The following PDE4D variants were observed in gnomAD, a reference collection of about 807,000 sequenced individuals.
PDE4D encodes 3',5'-cyclic-AMP phosphodiesterase 4D.
PDE4D carries 24 observed loss-of-function variants against 87.4 expected under a neutral mutation model. That is an observed-to-expected ratio of 0.27 (90% confidence interval 0.20 to 0.39). The LOEUF (loss-of-function observed/expected upper bound fraction) is 0.39. PDE4D is among the 10% of genes least tolerant of loss of function. The pLI is 1.00. For synonymous variants in PDE4D, 384 were observed against 383.2 expected, an observed-to-expected ratio of 1.00 and a Z score of -0.02; for missense variants, 714 against 1,041.0, an observed-to-expected ratio of 0.69 and a Z score of 4.32.
At chr5:60,155,500 T>C (rs1245199250) in intron 2 of PDE4D, among the ~76,000 whole-genome samples, 4 of 152,204 alleles carry the variant, frequency 2.6e-5, no homozygotes. Flanking sequence ...TCTGGAGTTT[T>C]TGTATTCTTC....
At chr5:59,303,510 T>G (rs1431655042) in intron 1 of PDE4D, among the ~76,000 whole-genome samples, 2 of 152,212 alleles carry the variant, frequency 1.3e-5, no homozygotes, top group African/African-American at 2.4e-5. Flanking sequence ...CTTCTAAAAT[T>G]TCATAGTTTC....
chr5:60,400,942 T>G (rs1382961336), intron 1 of PDE4D, among the ~76,000 whole-genome samples: 6 of 152,142 alleles, frequency 3.9e-5, no homozygotes, highest in African/African-American at 9.7e-5. Flanking sequence ...ATTTCTTCAT[T>G]TAATTCTGCA....
intron 1 of PDE4D, among the ~76,000 whole-genome samples, chr5:59,502,643 ATTTC>A (rs1808494879): frequency 7.3e-6 from 1 of 136,886 alleles, no homozygotes. Context: ...CACTCAGATA[ATTTC>A]TTTATTCCTT....
chr5:59,011,098 A>C (rs930428578), intron 6 of PDE4D, among the ~76,000 whole-genome samples: 4 of 152,160 alleles, frequency 2.6e-5, no homozygotes, highest in Admixed American at 6.6e-5. Flanking sequence ...TAGAAGGAAA[A>C]CTAACAAACA....
chr5:59,740,705 G>C (rs1440195118), intron 1 of PDE4D, among the ~76,000 whole-genome samples: 1 of 152,114 alleles, frequency 6.6e-6, no homozygotes, highest in African/African-American at 2.4e-5. Flanking sequence ...GAATTATTCA[G>C]GTAAAGAGGG....
chr5:59,624,961 T>C (rs1164403981), intron 1 of PDE4D, among the ~76,000 whole-genome samples: 1 of 152,222 alleles, frequency 6.6e-6, no homozygotes, highest in Non-Finnish European at 1.5e-5. Flanking sequence ...GAATTCCACA[T>C]CTTGGCTAAT....
intron 1 of PDE4D, among the ~76,000 whole-genome samples, chr5:59,255,959 T>C (rs1246717420): frequency 2.0e-5 from 3 of 152,126 alleles, no homozygotes; most frequent in Non-Finnish European, 2.9e-5. Flanking sequence ...CATATACCGA[T>C]TGACATTTAG....
At chr5:59,613,806 A>G (rs1045619246) in intron 1 of PDE4D, among the ~76,000 whole-genome samples, 2 of 152,190 alleles carry the variant, frequency 1.3e-5, no homozygotes, top group African/African-American at 4.8e-5. Flanking sequence ...AATTTATAAG[A>G]GAGAAACAAG....
At position 60,269,025 on chromosome 5, in the gene PDE4D, C is replaced by A. The variant is rs182533586; in HGVS notation, c.-89-83338G>T. Among the ~76,000 whole-genome samples, 376 of 152,242 alleles carry A rather than the reference C, an allele frequency of 2.5e-3. 1 individual carries two copies. Among genetic ancestry groups the A allele is most frequent in the Non-Finnish European group, 4.0e-3 (270 of 68,020 alleles). ...CATATATACATAAATATTTCTTGGC[C>A]GGGCGCGGTGGCTCACACCTGTAAT... On this transcript the variant is annotated intron_variant, in intron 1 of 16. Coordinates refer to the PDE4D transcript ENST00000502484.
At chr5:59,348,275 T>G (rs1779923869) in intron 1 of PDE4D, among the ~76,000 whole-genome samples, 1 of 152,192 alleles carries the variant, frequency 6.6e-6, no homozygotes, top group South Asian at 2.1e-4. Context: ...ATTATGTTTT[T>G]GGGGCAACTT....
At chr5:60,320,727 T>A (rs7735442) in intron 1 of PDE4D, among the ~76,000 whole-genome samples, 13,430 of 152,100 alleles carry the variant, frequency 0.088, 1,950 homozygotes, top group African/African-American at 0.31. Flanking sequence ...ACAAAATCAA[T>A]ATTCAAAAAT....
intron 1 of PDE4D, among the ~76,000 whole-genome samples, chr5:59,791,349 G>A (rs894633433): frequency 9.9e-5 from 15 of 152,198 alleles, no homozygotes; most frequent in Non-Finnish European, 1.8e-4. Context: ...GGGAGTTCAC[G>A]GCGCTGAGAG....
Position 59,825,016 on chromosome 5 carries a change from A to T in PDE4D, c.455+68152T>A, listed in dbSNP as rs560035241. Among the ~76,000 whole-genome samples, 3 of 152,108 alleles carry T rather than the reference A, an allele frequency of 2.0e-5. No homozygotes were observed. The South Asian group carries it at 6.2e-4, about 32-fold the overall frequency. On this transcript the variant is annotated intron_variant, in intron 1 of 14. Transcript: ENST00000340635. ...TAATAGCACTAGAGCATCACTTTAG[A>T]CCTCTTCACGGGAAGACATAATTAA...
At chr5:60,392,520 G>A (rs1197613038) in intron 1 of PDE4D, among the ~76,000 whole-genome samples, 2 of 152,156 alleles carry the variant, frequency 1.3e-5, no homozygotes, top group African/African-American at 4.8e-5. Context: ...GAAGAAAAAT[G>A]TGCCTCATTC....
intron 2 of PDE4D, among the ~76,000 whole-genome samples, chr5:60,158,716 C>A (rs139104403): frequency 6.6e-6 from 1 of 152,270 alleles, no homozygotes; most frequent in African/African-American, 2.4e-5. Context: ...GCCCCCGCCA[C>A]CACTCCTGGC....
chr5:59,447,711 T>C (rs1798548346), intron 1 of PDE4D, among the ~76,000 whole-genome samples: 1 of 152,258 alleles, frequency 6.6e-6, no homozygotes, highest in South Asian at 2.1e-4. Flanking sequence ...GATTGTGTTA[T>C]TGTAAAAATG....
chr5:60,484,518 TA>T (rs1748982567), intron 1 of PDE4D, among the ~76,000 whole-genome samples: 1 of 152,180 alleles, frequency 6.6e-6, no homozygotes, highest in South Asian at 2.1e-4. Context: ...TTGCAATATG[TA>T]ATATTTATAC....
At chr5:59,781,166 CAAAA>C (rs11450737) in intron 1 of PDE4D, among the ~76,000 whole-genome samples, 1 of 69,116 alleles carries the variant, frequency 1.4e-5, no homozygotes, top group East Asian at 5.5e-4. Context: ...AACTCCTTCT[CAAAA>C]AAAAAAAAAA....
At chr5:59,798,238 C>T (rs71627971) in intron 1 of PDE4D, among the ~76,000 whole-genome samples, 1 of 140,296 alleles carries the variant, frequency 7.1e-6, no homozygotes, top group African/African-American at 2.5e-5. Context: ...ATCTCTCTCT[C>T]TCTATATATA....
Sources: gnomAD v4.1 joint callset for allele counts (sites outside exome capture counted in the v4.1 genomes callset) on GRCh38, gnomAD v4.1.1 for gene constraint, MANE v1.5 for transcripts, NCBI Gene and HGNC (gene_info 2026-07-23, HGNC 2026-07-21) for gene names.